SLC31A1: variants seen among roughly 807,000 people sequenced by gnomAD.
SLC31A1 encodes the protein high affinity copper uptake protein 1.
SLC31A1 carries 5 observed loss-of-function variants against 17.2 expected under a neutral mutation model. The observed-to-expected ratio is 0.29, with a 90% confidence interval of 0.15 to 0.61. SLC31A1 has a LOEUF of 0.61. SLC31A1 is among the 20% of genes least tolerant of loss of function. The probability of loss-of-function intolerance (pLI) is 0.86; values close to 1 mark genes in which losing one functional copy is unlikely to be tolerated. For missense variants in SLC31A1, 161 were observed against 241.4 expected (o/e 0.67, Z 2.21); for synonymous variants, 76 against 78.8 (o/e 0.96, Z 0.19).
At chr9:113,230,210 T>C (rs1173318169) in intron 1 of SLC31A1, among the ~76,000 whole-genome samples, 1 of 152,216 alleles carries the variant, frequency 6.6e-6, no homozygotes, top group Non-Finnish European at 1.5e-5. Flanking sequence ...TACTAATCTT[T>C]TGGGGATTTG....
intron 1 of SLC31A1, 128 bp from the exon 2 acceptor site, chr9:113,255,986 A>G (rs1564218908): frequency 1.5e-6 from 1 of 651,850 alleles, no homozygotes; most frequent in Non-Finnish European, 2.5e-6. Flanking sequence ...CAGTAGTGGG[A>G]TCATGCCTGT....
chr9:113,260,570 T>G lies in SLC31A1; in HGVS notation c.*97T>G. ...CTCCAATCATCCCTTCTTGCTCCTCTTTGTGCACGTACACACACACACACA... is the reference window on the plus strand; with the variant it reads ...CTCCAATCATCCCTTCTTGCTCCTCGTTGTGCACGTACACACACACACACA... On this transcript the variant is annotated 3_prime_UTR_variant, in exon 5 of 5. Coordinates refer to ENST00000374212, the MANE Select transcript of SLC31A1 (RefSeq NM_001859.4). 1 of 818,358 alleles carries G rather than the reference T, an allele frequency of 1.2e-6. No homozygotes were observed. The highest frequency in any genetic ancestry group is 2.0e-6 in the Non-Finnish European group (1 of 504,890). 50.7% of individuals were successfully genotyped at this position (818,358 alleles called of 1,614,324 possible).
At chr9:113,239,179 T>C (rs1188326740) in intron 1 of SLC31A1, among the ~76,000 whole-genome samples, 1 of 143,978 alleles carries the variant, frequency 6.9e-6, no homozygotes, top group Non-Finnish European at 1.5e-5. Context: ...GACTCCAGAC[T>C]TTTTTTTTTT....
intron 1 of SLC31A1, among the ~76,000 whole-genome samples, chr9:113,247,933 T>C (rs1337615329): frequency 1.3e-5 from 2 of 152,216 alleles, no homozygotes; most frequent in Non-Finnish European, 2.9e-5. Context: ...ACTCCTTTTA[T>C]TAACTATTTT....
At position 113,232,993 on chromosome 9, in the gene SLC31A1, T is replaced by C. The variant is rs375797314; in HGVS notation, c.-36+11315T>C. Among the ~76,000 whole-genome samples, 36 of 152,346 alleles carry C rather than the reference T, an allele frequency of 2.4e-4. No homozygotes were observed. In the East Asian group the frequency reaches 6.6e-3, roughly 28 times the overall value. On this transcript the variant is annotated intron_variant, in intron 1 of 4. Transcript: ENST00000374212. The stretch of plus-strand genomic sequence containing the variant: ...AAATGAGTATTTATCAAGAACTTCC[T>C]GTGTTTAGACACTGTGCTTAAGTAA...
chr9:113,228,723 T>TA (rs538481515), intron 1 of SLC31A1, among the ~76,000 whole-genome samples: 415 of 152,344 alleles, frequency 2.7e-3, no homozygotes, highest in Non-Finnish European at 4.8e-3. Context: ...AGTCTAGTGT[T>TA]ATGGAGCCTT....
At chr9:113,240,007 C>G (rs1007948830) in intron 1 of SLC31A1, among the ~76,000 whole-genome samples, 3 of 152,222 alleles carry the variant, frequency 2.0e-5, no homozygotes. Flanking sequence ...CAGGAAGGCT[C>G]TTACCTTTCC....
chr9:113,224,910 ATAATGGT>A (rs1831324364), intron 1 of SLC31A1, among the ~76,000 whole-genome samples: 2 of 152,370 alleles, frequency 1.3e-5, no homozygotes, highest in Non-Finnish European at 1.5e-5. Context: ...TAAAACAGGC[ATAATGGT>A]AGTATCCATT....
At chr9:113,236,525 G>A (rs556324752) in intron 1 of SLC31A1, among the ~76,000 whole-genome samples, 20 of 151,702 alleles carry the variant, frequency 1.3e-4, no homozygotes, top group Non-Finnish European at 2.6e-4. Flanking sequence ...CACCACGCCC[G>A]GCTAATTTTT....
intron 2 of SLC31A1, 177 bp downstream of exon 2, chr9:113,256,454 C>G (rs904689056): frequency 1.3e-5 from 8 of 630,060 alleles, no homozygotes; most frequent in Admixed American, 3.0e-5. Context: ...AAGCTACTTA[C>G]AGAGTCACAC....
chr9:113,241,513 TAG>T (rs1831520831), intron 1 of SLC31A1, among the ~76,000 whole-genome samples: 1 of 152,234 alleles, frequency 6.6e-6, no homozygotes, highest in Non-Finnish European at 1.5e-5. Flanking sequence ...ACAGTTATTA[TAG>T]AATTTGTGTA....
At chr9:113,232,809 A>G (rs1407687053) in intron 1 of SLC31A1, among the ~76,000 whole-genome samples, 2 of 151,884 alleles carry the variant, frequency 1.3e-5, no homozygotes, top group Non-Finnish European at 2.9e-5. Context: ...GCACCACTGC[A>G]CTCCAGCCTG....
At chr9:113,256,077 T>C (rs1157032181) in intron 1 of SLC31A1, 37 bp from the exon 2 acceptor site, 1 of 1,408,922 alleles carries the variant, frequency 7.1e-7, no homozygotes. Context: ...GATTTTTATA[T>C]CCTTAAATTA....
intron 1 of SLC31A1, among the ~76,000 whole-genome samples, chr9:113,224,505 C>T (rs1298631851): frequency 4.6e-5 from 7 of 151,966 alleles, no homozygotes; most frequent in African/African-American, 1.7e-4. Context: ...CTCGGCTCAC[C>T]ACAACCTCCA....
rs1273538516 is a variant in SLC31A1 at position 113,258,345 on chromosome 9, C to G, written c.203-349C>G. Among the ~76,000 whole-genome samples the G allele has an allele frequency of 2.0e-5, 3 of 152,166 alleles. No individual in the cohort carries two copies. Among genetic ancestry groups the G allele is most frequent in the Non-Finnish European group, 4.4e-5 (3 of 68,038 alleles). ...ATGCCTATTCAGGAAATGTAGTCAG[C>G]CACTGATGAAACTAAATTGTTTTAT... is the stretch of plus-strand genomic sequence containing the variant. On this transcript the variant is annotated intron_variant, in intron 3 of 4. Transcript: ENST00000374212. The surrounding 1 kb of genome is among the most constrained non-coding windows in gnomAD (Gnocchi z 4.8).
At chr9:113,232,466 A>G (rs1454713911) in intron 1 of SLC31A1, among the ~76,000 whole-genome samples, 1 of 152,126 alleles carries the variant, frequency 6.6e-6, no homozygotes, top group Non-Finnish European at 1.5e-5. Context: ...CAACATAGAT[A>G]AAGGCCATCT....
Position 113,258,706 on chromosome 9 carries a change from C to A in SLC31A1, c.215C>A (p.Ala72Asp). The change falls in exon 4 of 5, where the codon GCT (alanine) becomes GAT (aspartate). Residue 72 changes from alanine (A) to aspartate (D), a missense_variant. Physicochemically the swap from Ala to Asp is moderately radical, Grantham distance 126. Coordinates refer to ENST00000374212, the MANE Select transcript of SLC31A1 (RefSeq NM_001859.4). This position sits in a 1 kb window ranked among gnomAD's most constrained non-coding sequence, Gnocchi z 4.8. ...VINTAGEMAG[A>D]FVAVFLLAMF... ...CTTCCATACTTAGAAATGGCTGGAG[C>A]TTTTGTGGCAGTGTTTTTACTAGCA... The A allele has an allele frequency of 6.2e-7, 1 of 1,614,178 alleles. No individual in the cohort carries two copies. Among genetic ancestry groups the A allele is most frequent in the Non-Finnish European group, 8.5e-7 (1 of 1,180,024 alleles).
At position 113,260,805 on chromosome 9, in the gene SLC31A1, T is replaced by G; in HGVS notation, c.*332T>G. 1 of 340,346 alleles carries G rather than the reference T, an allele frequency of 2.9e-6. No individual in the cohort carries two copies. The highest frequency in any genetic ancestry group is 6.9e-5 in the East Asian group (1 of 14,508). 21.1% of individuals were successfully genotyped at this position (340,346 alleles called of 1,614,324 possible). Reference sequence around the variant, plus strand: ...CCATGTAGCTTTTTGTTCAATGACTTGATCATCTGCTTCCTTTTTGAATTT... The same window carrying G: ...CCATGTAGCTTTTTGTTCAATGACTGGATCATCTGCTTCCTTTTTGAATTT... On this transcript the variant is annotated 3_prime_UTR_variant, in exon 5 of 5. Coordinates refer to ENST00000374212, the MANE Select transcript of SLC31A1 (RefSeq NM_001859.4).
chr9:113,242,759 G>A (rs138224048), intron 1 of SLC31A1, among the ~76,000 whole-genome samples: 4 of 152,042 alleles, frequency 2.6e-5, no homozygotes, highest in Non-Finnish European at 5.9e-5. Flanking sequence ...CCATTTCCCC[G>A]ATGTCATTTT....
Sources: allele counts gnomAD v4.1 joint callset (sites outside exome capture counted in the v4.1 genomes callset), GRCh38; gene constraint gnomAD v4.1.1; non-coding constraint Gnocchi (gnomAD v3.1); transcripts MANE v1.5; gene names NCBI Gene and HGNC (gene_info 2026-07-23, HGNC 2026-07-21).